GPHN: variants seen among roughly 807,000 people sequenced by gnomAD.
The protein encoded by GPHN is gephyrin.
A neutral mutation model predicts 95.5 loss-of-function variants in GPHN; 17 were observed. The observed-to-expected ratio is 0.18, with a 90% CI of 0.12 to 0.27. GPHN has a LOEUF of 0.27. GPHN is among the 10% of genes least tolerant of loss of function. The probability of loss-of-function intolerance (pLI) is 1.00; values close to 1 mark genes in which losing one functional copy is unlikely to be tolerated. For synonymous variants in GPHN, 320 were observed against 322.5 expected (o/e 0.99, Z 0.08); for missense variants, 660 against 978.1 (o/e 0.67, Z 4.34).
chr14:66,826,307 G>A (rs1272980820), intron 4 of GPHN, among the ~76,000 whole-genome samples: 1 of 152,024 alleles, frequency 6.6e-6, no homozygotes, highest in South Asian at 2.1e-4. Context: ...GACCATAGAC[G>A]GAGTGCTTTT....
chr14:67,306,372 T>C, the GPHN span, among the ~76,000 whole-genome samples: 1 of 151,980 alleles, frequency 6.6e-6, no homozygotes, highest in Admixed American at 6.6e-5. Context: ...TGAGACAGAG[T>C]CTTGCTCTGT....
intron 2 of GPHN, among the ~76,000 whole-genome samples, chr14:66,749,457 C>T (rs991296950): frequency 7.2e-5 from 11 of 152,062 alleles, no homozygotes; most frequent in African/African-American, 2.6e-4. Flanking sequence ...TGCATTCTCA[C>T]CAGCAATAAA....
chr14:67,254,967 G>A, the GPHN span, among the ~76,000 whole-genome samples: 1 of 152,184 alleles, frequency 6.6e-6, no homozygotes, highest in Admixed American at 6.6e-5. Flanking sequence ...TAGCCAACAT[G>A]GTGAAACCTC....
the GPHN span, among the ~76,000 whole-genome samples, chr14:67,438,680 G>A: frequency 6.6e-6 from 1 of 152,026 alleles, no homozygotes; most frequent in Non-Finnish European, 1.5e-5. Flanking sequence ...GGCCAACATG[G>A]CGAAACCCCA....
chr14:66,992,075 G>C (rs1367593096), intron 9 of GPHN, among the ~76,000 whole-genome samples: 2 of 151,844 alleles, frequency 1.3e-5, no homozygotes, highest in Non-Finnish European at 2.9e-5. Flanking sequence ...TAAAAGAAAA[G>C]AAAGGAAAGG....
intron 9 of GPHN, among the ~76,000 whole-genome samples, chr14:66,977,967 C>T (rs984318208): frequency 1.3e-5 from 2 of 152,064 alleles, no homozygotes; most frequent in African/African-American, 4.8e-5. Flanking sequence ...TGCAATAAAG[C>T]AAAAATTGCA....
At chr14:67,021,127 A>G (rs1279582191) in intron 9 of GPHN, among the ~76,000 whole-genome samples, 1 of 152,162 alleles carries the variant, frequency 6.6e-6, no homozygotes. Context: ...TCATGGTGCA[A>G]GAGAAAAAGT....
intron 16 of GPHN, among the ~76,000 whole-genome samples, chr14:67,113,658 G>C (rs895651098): frequency 3.3e-5 from 5 of 151,206 alleles, no homozygotes; most frequent in Non-Finnish European, 4.4e-5. Context: ...TTGATAATCA[G>C]GTTTTTTTTT....
At chr14:67,071,656 T>A (rs893965239) in intron 11 of GPHN, among the ~76,000 whole-genome samples, 6 of 151,188 alleles carry the variant, frequency 4.0e-5, no homozygotes, top group Non-Finnish European at 7.4e-5. Context: ...AATTTAAATT[T>A]AAAAAAAAAT....
At chr14:67,192,909 T>TAGAG in the GPHN span, among the ~76,000 whole-genome samples, 6,698 of 146,540 alleles carry the variant, frequency 0.046, 170 homozygotes, top group African/African-American at 0.054. Flanking sequence ...TCTAGATATA[T>TAGAG]ATAGATATAT....
At chr14:67,289,767 TC>T in the GPHN span, among the ~76,000 whole-genome samples, 2,206 of 127,056 alleles carry the variant, frequency 0.017, 286 homozygotes, top group African/African-American at 0.049. Flanking sequence ...TTTTTCCATG[TC>T]CTTTTTTTTT....
At chr14:67,376,619 A>C in the GPHN span, 1 of 1,602,372 alleles carries the variant, frequency 6.2e-7, no homozygotes, top group Non-Finnish European at 8.5e-7. Context: ...CTCTCCTTCT[A>C]CCTTGATATC....
chr14:67,627,438 A>G, the GPHN span, among the ~76,000 whole-genome samples: 3 of 152,112 alleles, frequency 2.0e-5, no homozygotes, highest in Non-Finnish European at 4.4e-5. Context: ...CTGTTGATAG[A>G]TATCCATCTT....
intron 2 of GPHN, among the ~76,000 whole-genome samples, chr14:66,687,881 G>A (rs1436912325): frequency 6.6e-6 from 1 of 152,148 alleles, no homozygotes; most frequent in Non-Finnish European, 1.5e-5. Flanking sequence ...GCTTGTTTGT[G>A]TAGAGATCTT....
chr14:67,316,680 T>G, the GPHN span: 1 of 526,172 alleles, frequency 1.9e-6, no homozygotes, highest in Non-Finnish European at 3.3e-6. Flanking sequence ...GGCTTACACA[T>G]CATAGCTGAC....
the GPHN span, chr14:67,555,714 T>G: frequency 2.0e-6 from 3 of 1,491,818 alleles, no homozygotes; most frequent in South Asian, 2.5e-5. Flanking sequence ...AGATGGGCAC[T>G]TGAAGTCTGG....
chr14:66,854,462 G>T (rs1216196272), intron 4 of GPHN, among the ~76,000 whole-genome samples: 1 of 152,196 alleles, frequency 6.6e-6, no homozygotes, highest in Non-Finnish European at 1.5e-5. Flanking sequence ...CATCTTAAAT[G>T]TACATACTTT....
intron 1 of GPHN, among the ~76,000 whole-genome samples, chr14:66,561,570 G>A (rs1190401557): frequency 1.3e-5 from 2 of 152,056 alleles, no homozygotes; most frequent in Non-Finnish European, 2.9e-5. Flanking sequence ...TGAAGAAATA[G>A]GGTACCCAGG....
chr14:67,301,931 T>G, the GPHN span: 1 of 1,567,146 alleles, frequency 6.4e-7, no homozygotes, highest in Non-Finnish European at 8.6e-7. Context: ...CAGAAATAAA[T>G]CATGCTGTTA....
Sources: gnomAD v4.1 joint callset for allele counts (sites outside exome capture counted in the v4.1 genomes callset) on GRCh38, gnomAD v4.1.1 for gene constraint, MANE v1.5 for transcripts, NCBI Gene and HGNC (gene_info 2026-07-23, HGNC 2026-07-21) for gene names.